Variants in FHIT observed in about 807,000 individuals in gnomAD.
FHIT encodes the protein fragile histidine triad diadenosine triphosphatase.
FHIT carries 19 observed loss-of-function variants against 17.9 expected under a neutral mutation model. The observed-to-expected ratio is 1.06, with a 90% CI of 0.74 to 1.56. FHIT has a LOEUF of 1.56. FHIT is among the 40% of genes most tolerant of loss of function. FHIT has a pLI of 0.00. For missense variants in FHIT, 248 were observed against 189.2 expected, an observed-to-expected ratio of 1.31 and a Z score of -1.82; for synonymous variants, 81 against 69.7, an observed-to-expected ratio of 1.16 and a Z score of -0.81.
chr3:59,903,988 G>C (rs1704458186), intron 8 of FHIT, among the ~76,000 whole-genome samples: 1 of 152,104 alleles, frequency 6.6e-6, no homozygotes, highest in Non-Finnish European at 1.5e-5. Flanking sequence ...AACCCAGGAA[G>C]TATGAGTTAG....
chr3:60,677,996 G>A (rs1451159773), intron 4 of FHIT, among the ~76,000 whole-genome samples: 1 of 151,830 alleles, frequency 6.6e-6, no homozygotes, highest in Non-Finnish European at 1.5e-5. Flanking sequence ...GTATTCCTAT[G>A]GTATCATTTG....
intron 8 of FHIT, among the ~76,000 whole-genome samples, chr3:59,792,542 A>G (rs1189648531): frequency 1.3e-5 from 2 of 152,178 alleles, no homozygotes; most frequent in Non-Finnish European, 2.9e-5. Context: ...GGCCCTGAAC[A>G]GACAACGTCT....
chr3:60,492,564 T>C (rs932451110), intron 5 of FHIT, among the ~76,000 whole-genome samples: 32 of 151,106 alleles, frequency 2.1e-4, no homozygotes, highest in African/African-American at 7.8e-4. Flanking sequence ...TGGAGTGCAA[T>C]GGTGTGATCT....
At chr3:60,234,654 G>C (rs1055651399) in intron 5 of FHIT, among the ~76,000 whole-genome samples, 4 of 152,190 alleles carry the variant, frequency 2.6e-5, no homozygotes, top group Non-Finnish European at 2.9e-5. Context: ...TTTCCTTTCA[G>C]ATGTTCCTGG....
intron 5 of FHIT, among the ~76,000 whole-genome samples, chr3:60,287,874 T>C (rs1034668251): frequency 1.1e-4 from 17 of 152,310 alleles, no homozygotes; most frequent in African/African-American, 3.1e-4. Context: ...TTGGGAAAGA[T>C]ACATAACCCC....
intron 4 of FHIT, among the ~76,000 whole-genome samples, chr3:60,734,817 A>G (rs1176984541): frequency 6.6e-6 from 1 of 152,256 alleles, no homozygotes; most frequent in Non-Finnish European, 1.5e-5. Context: ...AAGATTTGCT[A>G]TGTGATGAGG....
intron 4 of FHIT, among the ~76,000 whole-genome samples, chr3:60,818,101 T>C (rs1701801140): frequency 6.6e-6 from 1 of 152,168 alleles, no homozygotes; most frequent in Non-Finnish European, 1.5e-5. Flanking sequence ...GATTTCTATT[T>C]GGTTCTTTTT....
chr3:59,952,068 G>C (rs1012515196), intron 7 of FHIT, among the ~76,000 whole-genome samples: 1 of 152,178 alleles, frequency 6.6e-6, no homozygotes, highest in East Asian at 1.9e-4. Context: ...GGGGTACTGA[G>C]AATGGTCCCT....
intron 4 of FHIT, among the ~76,000 whole-genome samples, chr3:60,653,930 G>A (rs113671482): frequency 0.03 from 4,550 of 152,256 alleles, 86 homozygotes; most frequent in South Asian, 0.077. Flanking sequence ...TGCTGGAGGT[G>A]GGGCCTGGTG....
At chr3:60,145,158 T>A (rs1700188265) in intron 5 of FHIT, among the ~76,000 whole-genome samples, 1 of 152,222 alleles carries the variant, frequency 6.6e-6, no homozygotes, top group Non-Finnish European at 1.5e-5. Flanking sequence ...CCTACAATTT[T>A]TTTTTGTCCT....
chr3:61,039,394 T>G (rs1283668107), intron 3 of FHIT, among the ~76,000 whole-genome samples: 1 of 152,236 alleles, frequency 6.6e-6, no homozygotes, highest in Admixed American at 6.5e-5. Context: ...TTACAATTCT[T>G]ACCAATATTT....
intron 5 of FHIT, chr3:60,080,743 A>G (rs1703244307): frequency 6.6e-6 from 1 of 152,130 alleles, no homozygotes; most frequent in Non-Finnish European, 1.5e-5. Context: ...AGGGAGTGCA[A>G]AAGAAGAAAA....
At chr3:60,221,977 C>G (rs1703981983) in intron 5 of FHIT, among the ~76,000 whole-genome samples, 1 of 152,002 alleles carries the variant, frequency 6.6e-6, no homozygotes, top group Non-Finnish European at 1.5e-5. Flanking sequence ...AATTCGCATT[C>G]CATTAGGAGC....
chr3:60,224,036 T>C (rs1437174922), intron 5 of FHIT, among the ~76,000 whole-genome samples: 1 of 152,200 alleles, frequency 6.6e-6, no homozygotes, highest in East Asian at 1.9e-4. Context: ...CCATATAGTG[T>C]GAACTATATA....
intron 8 of FHIT, among the ~76,000 whole-genome samples, chr3:59,920,921 T>A (rs542029159): frequency 6.6e-6 from 1 of 152,308 alleles, no homozygotes; most frequent in East Asian, 1.9e-4. Context: ...AAGGTAGTCA[T>A]GCATCAGAGT....
chr3:60,816,227 T>C (rs1382183929), intron 4 of FHIT, among the ~76,000 whole-genome samples: 1 of 152,078 alleles, frequency 6.6e-6, no homozygotes, highest in Non-Finnish European at 1.5e-5. Flanking sequence ...AAGATGCATT[T>C]TATTTCTTTC....
intron 5 of FHIT, among the ~76,000 whole-genome samples, chr3:60,526,264 T>A (rs1033512553): frequency 6.6e-6 from 1 of 152,068 alleles, no homozygotes; most frequent in African/African-American, 2.4e-5. Context: ...CAGACATGTT[T>A]TTTCCAGGAA....
chr3:61,021,586 G>A lies in FHIT; in HGVS notation c.-111+20461C>T, dbSNP rs560266394. Among the ~76,000 whole-genome samples the A allele has an allele frequency of 2.4e-3, 271 of 112,514 alleles. 2 individuals carry two copies. In the South Asian group the frequency reaches 0.032, roughly 13 times the overall value. 73.8% of individuals were successfully genotyped at this position (112,514 alleles called of 152,430 possible). ...TGCACTCCAGCCTGGGCGACAGAGC[G>A]AGACTCCGTCTCAAAAAAAAAAAAA... On this transcript the variant is annotated intron_variant, in intron 3 of 9. Coordinates refer to ENST00000492590, the MANE Select transcript of FHIT (RefSeq NM_002012.4).
At chr3:60,782,237 G>GTATATATATATATATATATATATA (rs11272366) in intron 4 of FHIT, among the ~76,000 whole-genome samples, 4 of 95,554 alleles carry the variant, frequency 4.2e-5, no homozygotes, top group African/African-American at 7.1e-5. Flanking sequence ...GTGTGTGTGT[G>GTATATATATATATATATATATATA]TATATATATA....
Sources: gnomAD v4.1 joint callset for allele counts (sites outside exome capture counted in the v4.1 genomes callset) on GRCh38, gnomAD v4.1.1 for gene constraint, MANE v1.5 for transcripts, NCBI Gene and HGNC (gene_info 2026-07-23, HGNC 2026-07-21) for gene names.